Variants in SALL1 observed in about 807,000 individuals in gnomAD.
SALL1 encodes spalt like transcription factor 1.
A neutral mutation model predicts 73.1 loss-of-function variants in SALL1; 10 were observed. That is an observed-to-expected ratio of 0.14 (90% CI 0.08 to 0.23). SALL1 has a LOEUF of 0.23. Among genes scored for constraint, SALL1 ranks in the 10% least tolerant of loss-of-function variants. SALL1 has a pLI of 1.00. For synonymous variants in SALL1, 688 were observed against 689.8 expected (o/e 1.00, Z 0.04); for missense variants, 1,520 against 1,697.3 (o/e 0.90, Z 1.84).
chr16:51,141,816 C>G lies in SALL1; in HGVS notation c.406G>C (p.Gly136Arg), dbSNP rs139152599. 8 of 1,613,858 alleles carry G rather than the reference C, an allele frequency of 5.0e-6. No individual in the cohort carries two copies. The highest frequency in any genetic ancestry group is 6.8e-6 in the Non-Finnish European group (8 of 1,179,988). The change falls in exon 2 of 3, where the codon GGC becomes CGC. Residue 136 changes from glycine to arginine, a missense_variant. This residue lies in a region of SALL1 where 540 missense variants were observed against 567.5 expected (regional missense o/e 0.95). Coordinates refer to ENST00000251020, the MANE Select transcript of SALL1 (RefSeq NM_002968.3). The surrounding 1 kb of genome is among the most constrained non-coding windows in gnomAD (Gnocchi z 5.4). ...TGGCTGCCGCTGGAAGTGCCGCTGC[C>G]GCTTTTGTTAGCAACCGGGGCCTCC... ...EVEAPVANKS[G>R]SGTSSGSHSS...
At chr16:51,151,054 C>A in intron 1 of SALL1, 112 bp downstream of exon 1, 1 of 593,866 alleles carries the variant, frequency 1.7e-6, no homozygotes, top group Non-Finnish European at 2.7e-6. Flanking sequence ...CAATCGGGGC[C>A]GCGGCGGCGG....
chr16:51,144,276 T>A, intron 1 of SALL1, among the ~76,000 whole-genome samples: 1 of 152,214 alleles, frequency 6.6e-6, no homozygotes, highest in East Asian at 1.9e-4. Flanking sequence ...TATGTTTCCA[T>A]CTACTTTTAC....
rs770776554 is a variant in SALL1, at chr16:51,141,779, G to A, written c.443C>T (p.Ala148Val). The A allele has an allele frequency of 4.3e-6, 7 of 1,610,398 alleles. No homozygotes were observed. The highest frequency in any genetic ancestry group is 1.7e-4 in the Middle Eastern group (1 of 5,852). ...GTSSGSHSST[A>V]PSSSSSSSSS... ...GCTGCTGCTGCTGCTGCTGCTTGGG[G>A]CGGTACTGCTGTGGCTGCCGCTGGA... Residue 148 changes from alanine (A) to valine (V), a missense_variant, in exon 2 of 3, where the codon GCC becomes GTC. Coordinates refer to ENST00000251020, the MANE Select transcript of SALL1 (RefSeq NM_002968.3). This position sits in a 1 kb window ranked among gnomAD's most constrained non-coding sequence, Gnocchi z 5.4.
At position 51,140,438 on chromosome 16, in the gene SALL1, G is replaced by A. The variant is rs1162137913; in HGVS notation, c.1784C>T (p.Ser595Phe). The A allele has an allele frequency of 3.1e-6, 5 of 1,613,882 alleles. No homozygotes were observed. The African/African-American group carries it at 4.0e-5, about 13-fold the overall frequency. Residue 595 changes from serine (S) to phenylalanine (F), a missense_variant, in exon 2 of 3, where the codon TCC (serine) becomes TTC (phenylalanine). Coordinates refer to ENST00000251020, the MANE Select transcript of SALL1 (RefSeq NM_002968.3). This position sits in a 1 kb window ranked among gnomAD's most constrained non-coding sequence, Gnocchi z 5.7. ...TSPPGSVKSD[S>F]GGPESATRNL... ...TCTTGTGGCTGACTCAGGGCCCCCG[G>A]AGTCACTTTTGACTGAGCCTGGGGG...
intron 1 of SALL1, 146 bp downstream of exon 1, chr16:51,151,020 A>C: frequency 2.1e-6 from 1 of 469,946 alleles, no homozygotes; most frequent in Non-Finnish European, 3.7e-6. Context: ...AAAAGAAAAA[A>C]AAAATTACGC....
Position 51,138,671 on chromosome 16 carries a change from C to T in SALL1, c.3534+17G>A. 1 of 1,604,092 alleles carries T rather than the reference C, an allele frequency of 6.2e-7. No homozygotes were observed. Among genetic ancestry groups the T allele is most frequent in the Non-Finnish European group, 8.5e-7 (1 of 1,174,688 alleles). On this transcript the variant is annotated intron_variant, in intron 2 of 2. Coordinates refer to ENST00000251020, the MANE Select transcript of SALL1 (RefSeq NM_002968.3). ...CAGGGTTGATGGAGCAGGTATGGTG[C>T]AGAGAGAGCAAGGTACCTTAAGATT... is the stretch of plus-strand genomic sequence containing the variant.
chr16:51,145,205 C>G (rs1303338825), intron 1 of SALL1, among the ~76,000 whole-genome samples: 1 of 83,536 alleles, frequency 1.2e-5, no homozygotes, highest in African/African-American at 3.8e-5. Flanking sequence ...CATTCTCTCT[C>G]TCACACACAC....
chr16:51,143,459 G>T, intron 1 of SALL1: 1 of 242,992 alleles, frequency 4.1e-6, no homozygotes, highest in South Asian at 3.8e-5. Context: ...CTCCCTGCAT[G>T]CTTTTCTGCA....
In SALL1 at chr16:51,137,054, G is replaced by T; in HGVS notation, c.*58C>A. Reference sequence around the variant, plus strand: ...CGGGGTGGGGGGCAAGGAGTAGGAGGCCACCATAGGTCGCATTCTGAACAG... The same window carrying T: ...CGGGGTGGGGGGCAAGGAGTAGGAGTCCACCATAGGTCGCATTCTGAACAG... On this transcript the variant is annotated 3_prime_UTR_variant, in exon 3 of 3. Transcript: ENST00000251020. 1.3e-6 allele frequency: 2 copies of T among 1,552,766 alleles called. No homozygotes were observed. The highest frequency in any genetic ancestry group is 3.4e-5 in the Admixed American group (2 of 59,398).
At chr16:51,147,781 A>ACACG (rs1491406838) in intron 1 of SALL1, among the ~76,000 whole-genome samples, 1 of 3,594 alleles carries the variant, frequency 2.8e-4, no homozygotes, top group Non-Finnish European at 5.7e-4. Context: ...AAGAACTCCA[A>ACACG]CACACACACA....
chr16:51,139,546 G>A lies in SALL1; in HGVS notation c.2676C>T (p.Ser892=). The A allele has an allele frequency of 6.2e-7, 1 of 1,614,192 alleles. No individual in the cohort carries two copies. The highest frequency in any genetic ancestry group is 1.1e-5 in the South Asian group (1 of 91,068). ...CATTGGTCAGGACATCCCCCTCGATGGACCCATTCTCCACTGACTTCAGGC... is the reference window on the plus strand; with the variant it reads ...CATTGGTCAGGACATCCCCCTCGATAGACCCATTCTCCACTGACTTCAGGC... ...QASLKSVENG[S]IEGDVLTNDS... Residue 892 remains serine, a synonymous_variant, in exon 2 of 3, where the codon TCC becomes TCT. Transcript: ENST00000251020.
chr16:51,149,476 T>C (rs1962564641), intron 1 of SALL1: 1 of 152,130 alleles, frequency 6.6e-6, no homozygotes, highest in South Asian at 2.1e-4. Context: ...GCGCAGCTGC[T>C]GCGGCCTTGG....
At chr16:51,150,288 G>A in intron 1 of SALL1, 7 of 581,196 alleles carry the variant, frequency 1.2e-5, no homozygotes, top group Non-Finnish European at 1.5e-5. Context: ...ACTCTGGCTG[G>A]CCACCCGCAA....
Position 51,137,080 on chromosome 16 carries a change from G to A in SALL1, c.*32C>T, listed in dbSNP as rs761291477. 5.6e-6 allele frequency: 9 copies of A among 1,608,308 alleles called. No individual in the cohort carries two copies. The highest frequency in any genetic ancestry group is 7.7e-6 in the Non-Finnish European group (9 of 1,175,170). On this transcript the variant is annotated 3_prime_UTR_variant, in exon 3 of 3. Coordinates refer to ENST00000251020, the MANE Select transcript of SALL1 (RefSeq NM_002968.3). The stretch of plus-strand genomic sequence containing the variant: ...CCACCATAGGTCGCATTCTGAACAG[G>A]AATGAATGCTATGTCTCCAGCCCGA...
chr16:51,137,374 G>T lies in SALL1; in HGVS notation c.3713C>A (p.Ala1238Glu), dbSNP rs886052082. Residue 1238 changes from alanine (A) to glutamate (E), a missense_variant, in exon 3 of 3, where the codon GCA (alanine) becomes GAA (glutamate). By Grantham distance (107) the Ala-to-Glu change is moderately radical. Coordinates refer to ENST00000251020, the MANE Select transcript of SALL1 (RefSeq NM_002968.3). ...CGCCAGCCCGTTGGAGAGCGCTGCTGCATACTGATTCCAGAAGCTGGAAGG... is the reference window on the plus strand; with the variant it reads ...CGCCAGCCCGTTGGAGAGCGCTGCTTCATACTGATTCCAGAAGCTGGAAGG... ...GDPSSFWNQY[A>E]AALSNGLAMK... is the part of the protein sequence containing the mutation. 1.2e-6 allele frequency: 2 copies of T among 1,614,050 alleles called. No individual in the cohort carries two copies. The highest frequency in any genetic ancestry group is 1.7e-6 in the Non-Finnish European group (2 of 1,180,048).
rs1282888449 is a variant in SALL1 at position 51,141,445 on chromosome 16, A to C, written c.777T>G (p.Ser259=). 1 of 1,614,178 alleles carries C rather than the reference A, an allele frequency of 6.2e-7. No homozygotes were observed. The highest frequency in any genetic ancestry group is 8.5e-7 in the Non-Finnish European group (1 of 1,180,040). Residue 259 remains serine (S), a synonymous_variant, in exon 2 of 3, where the codon TCT becomes TCG. Transcript: ENST00000251020. The surrounding 1 kb of genome is among the most constrained non-coding windows in gnomAD (Gnocchi z 5.4). ...QIRHQILLLA[S]QNADLPTSSS... The stretch of plus-strand genomic sequence containing the variant: ...AAGATGTTGGCAAGTCTGCATTCTG[A>C]GAAGCCAACAGCAATATTTGGTGAC...
Position 51,139,804 on chromosome 16 carries a change from C to G in SALL1, c.2418G>C (p.Met806Ile). 6.2e-7 allele frequency: 1 copy of G among 1,614,172 alleles called. No homozygotes were observed. The highest frequency in any genetic ancestry group is 8.5e-7 in the Non-Finnish European group (1 of 1,180,040). ...TPVPDSYSES[M>I]ESDTGSFDEK... ...CATCAAAGGAACCTGTGTCAGACTC[C>G]ATGGACTCAGAGTAGCTGTCGGGGA... Residue 806 changes from methionine (M) to isoleucine (I), a missense_variant, in exon 2 of 3, where the codon ATG becomes ATC. Around this residue, in one of 7 missense-constraint regions of SALL1, gnomAD observed 266 missense variants for 275.1 expected, o/e 0.97. Transcript: ENST00000251020.
chr16:51,140,968 G>A lies in SALL1; in HGVS notation c.1254C>T (p.Ser418=), dbSNP rs376654044. Residue 418 remains serine, a synonymous_variant, in exon 2 of 3, where the codon TCC becomes TCT. Coordinates refer to ENST00000251020, the MANE Select transcript of SALL1 (RefSeq NM_002968.3). This position sits in a 1 kb window ranked among gnomAD's most constrained non-coding sequence, Gnocchi z 5.7. Reference sequence around the variant, plus strand: ...TTCTTTGCTGGGCCAAGGCAGACAAGGAGTTTAAATCCTCTGCAGTTGTTC... The same window carrying A: ...TTCTTTGCTGGGCCAAGGCAGACAAAGAGTTTAAATCCTCTGCAGTTGTTC... The part of the protein sequence containing the change: ...NIGTTAEDLN[S]LSALAQQRKS... 1.9e-6 allele frequency: 3 copies of A among 1,614,092 alleles called. No homozygotes were observed. The African/African-American group carries it at 4.0e-5, about 22-fold the overall frequency.
rs539635662 is a variant in SALL1, at chr16:51,142,277, C to T, written c.77-132G>A. The T allele has an allele frequency of 1.1e-4, 78 of 719,432 alleles. No homozygotes were observed. In the South Asian group the frequency reaches 1.2e-3, roughly 11 times the overall value. 44.6% of individuals were successfully genotyped at this position (719,432 alleles called of 1,614,324 possible). On this transcript the variant is annotated intron_variant, in intron 1 of 2. Coordinates refer to ENST00000251020, the MANE Select transcript of SALL1 (RefSeq NM_002968.3). Reference sequence around the variant, plus strand: ...AAAACTGTAGCCCTTGAAAACCAATCAATATTACCTAAGAACATCCATAAT... The same window carrying T: ...AAAACTGTAGCCCTTGAAAACCAATTAATATTACCTAAGAACATCCATAAT...
Sources: gnomAD v4.1 joint callset for allele counts (sites outside exome capture counted in the v4.1 genomes callset) on GRCh38, gnomAD v4.1.1 for gene constraint, gnomAD v4.1.1 regional missense constraint, Gnocchi (gnomAD v3.1) non-coding constraint, MANE v1.5 for transcripts, NCBI Gene and HGNC (gene_info 2026-07-23, HGNC 2026-07-21) for gene names.